CFAP57: variants seen among roughly 807,000 people sequenced by gnomAD.
CFAP57 encodes cilia- and flagella-associated protein 57.
In CFAP57, 116 loss-of-function variants were observed where a neutral mutation model predicts 146.8. That is an observed-to-expected ratio of 0.79 (90% CI 0.68 to 0.92). CFAP57 has a LOEUF of 0.92. Ranked by LOEUF, CFAP57 falls within the 40% of genes least tolerant of loss-of-function variation. The pLI, the probability that CFAP57 is intolerant of heterozygous loss-of-function variation, is 0.00. For missense variants in CFAP57, 1,377 were observed against 1,527.2 expected (o/e 0.90, Z 1.64); for synonymous variants, 518 against 552.8 (o/e 0.94, Z 0.88).
chr1:43,195,553 A>G (rs958882805), intron 6 of CFAP57, among the ~76,000 whole-genome samples: 5 of 152,122 alleles, frequency 3.3e-5, no homozygotes, highest in Non-Finnish European at 5.9e-5. Flanking sequence ...AAACATGGAC[A>G]AAGATATTCA....
intron 13 of CFAP57, among the ~76,000 whole-genome samples, chr1:43,221,021 G>A (rs926340290): frequency 5.9e-5 from 9 of 152,136 alleles, no homozygotes; most frequent in African/African-American, 2.2e-4. Flanking sequence ...TTACCCATGA[G>A]CACAGCCAAG....
rs199714638 is a variant in CFAP57, at chr1:43,198,696, G to A, written c.1428+50G>A. ...AAAGTCCAGTTTCTTAGAAAGCCAC[G>A]GCTGAAATATCAGGAACTAACATGA... On this transcript the variant is annotated intron_variant, in intron 8 of 22. Transcript: ENST00000372492. 2.4e-5 allele frequency: 38 copies of A among 1,599,868 alleles called. No homozygotes were observed. The Middle Eastern group carries it at 8.5e-4, about 36-fold the overall frequency.
intron 13 of CFAP57, among the ~76,000 whole-genome samples, chr1:43,220,106 T>G (rs1487671566): frequency 6.6e-6 from 1 of 152,214 alleles, no homozygotes; most frequent in Admixed American, 6.5e-5. Context: ...GTAAAATACA[T>G]ATAGAAAATA....
chr1:43,222,010 G>C, intron 14 of CFAP57, 95 bp from the exon 15 acceptor site: 2 of 1,077,624 alleles, frequency 1.9e-6, no homozygotes, highest in Non-Finnish European at 1.3e-6. Context: ...GCTCCAGCTG[G>C]TGCTGGAAGG....
intron 2 of CFAP57, among the ~76,000 whole-genome samples, chr1:43,179,729 G>C (rs1026440425): frequency 1.3e-5 from 2 of 152,122 alleles, no homozygotes; most frequent in African/African-American, 4.8e-5. Context: ...ATGTCCACCT[G>C]CTGGACCTCC....
intron 18 of CFAP57, among the ~76,000 whole-genome samples, chr1:43,228,672 C>T (rs758512140): frequency 8.7e-5 from 13 of 149,288 alleles, no homozygotes; most frequent in East Asian, 4.1e-4. Context: ...GACCTGCCTC[C>T]GCTGGGCCTC....
At chr1:43,205,179 A>G (rs968328590) in intron 9 of CFAP57, among the ~76,000 whole-genome samples, 1 of 152,086 alleles carries the variant, frequency 6.6e-6, no homozygotes, top group African/African-American at 2.4e-5. Context: ...CCCTTGTTCT[A>G]TCAAAATTCC....
chr1:43,231,189 T>C (rs1645451670), intron 18 of CFAP57, among the ~76,000 whole-genome samples: 1 of 152,164 alleles, frequency 6.6e-6, no homozygotes, highest in Non-Finnish European at 1.5e-5. Context: ...ACAAAATGCT[T>C]CCAGTAATGA....
chr1:43,254,280 T>C lies in CFAP57; in HGVS notation c.*89T>C. On this transcript the variant is annotated 3_prime_UTR_variant, in exon 23 of 23. Transcript: ENST00000372492. ...AGACTTGCGGTTGGAGTCTGTATGG[T>C]CCCTGCAGCACTGACCCCAGCAACC... 8.2e-7 allele frequency: 1 copy of C among 1,213,032 alleles called. No individual in the cohort carries two copies. The highest frequency in any genetic ancestry group is 1.2e-6 in the Non-Finnish European group (1 of 869,300). The allele number at this position is 1,213,032 out of a possible 1,614,324, so 75.1% of individuals were successfully genotyped here.
rs796998713 is a variant in CFAP57, at chr1:43,254,085, A to G, written c.3647A>G (p.Asp1216Gly). 1.2e-5 allele frequency: 18 copies of G among 1,550,582 alleles called. No individual in the cohort carries two copies. In the East Asian group the frequency reaches 2.0e-4, roughly 17 times the overall value. Residue 1216 changes from aspartate to glycine, a missense_variant, in exon 23 of 23, where the codon GAC becomes GGC. By Grantham distance (94) the Asp-to-Gly change is moderately conservative. Transcript: ENST00000372492. ...CGCCTAGAAATCCAGCGCCTCAGAG[A>G]CCAGATCCAAGAGCAAGAGCAGGTC... ...MQRLEIQRLR[D>G]QIQEQEQVTG...
At chr1:43,179,730 C>T (rs886485991) in intron 2 of CFAP57, among the ~76,000 whole-genome samples, 1 of 152,172 alleles carries the variant, frequency 6.6e-6, no homozygotes, top group Non-Finnish European at 1.5e-5. Context: ...TGTCCACCTG[C>T]TGGACCTCCG....
At chr1:43,247,706 T>C (rs1454732723) in intron 22 of CFAP57, among the ~76,000 whole-genome samples, 1 of 152,258 alleles carries the variant, frequency 6.6e-6, no homozygotes, top group Non-Finnish European at 1.5e-5. Context: ...CTAAACTTTC[T>C]AATTTCTCTG....
intron 22 of CFAP57, among the ~76,000 whole-genome samples, chr1:43,243,620 A>G (rs1048000085): frequency 2.0e-5 from 3 of 152,222 alleles, no homozygotes; most frequent in Non-Finnish European, 1.5e-5. Flanking sequence ...TAGATTTTAG[A>G]AAGCGAATAC....
chr1:43,246,654 C>A (rs1182663985), intron 22 of CFAP57, among the ~76,000 whole-genome samples: 2 of 152,054 alleles, frequency 1.3e-5, no homozygotes, highest in Non-Finnish European at 2.9e-5. Flanking sequence ...AAAGCACAGG[C>A]AACGAAATAA....
rs374305341 is a variant in CFAP57, at chr1:43,209,853, G to C, written c.1866G>C (p.Lys622Asn). The change falls in exon 11 of 23, where the codon AAG becomes AAC. Residue 622 changes from lysine (K) to asparagine (N), a missense_variant. Physicochemically the swap from Lys to Asn is moderately conservative, Grantham distance 94 (BLOSUM62 0). Coordinates refer to ENST00000372492, the MANE Select transcript of CFAP57 (RefSeq NM_001378189.1). The part of the protein sequence containing the change: ...GTSVGTIRAM[K>N]YPLPLQKEFN... ...CGGTGGGAACCATTCGTGCCATGAA[G>C]TACCCTCTGCCTCTGCAGAAGGAAT... The C allele has an allele frequency of 6.8e-6, 11 of 1,614,100 alleles. No individual in the cohort carries two copies. Among genetic ancestry groups the C allele is most frequent in the African/African-American group, 1.3e-5 (1 of 74,934 alleles).
At chr1:43,195,745 C>T (rs1399737699) in intron 6 of CFAP57, among the ~76,000 whole-genome samples, 1 of 151,970 alleles carries the variant, frequency 6.6e-6, no homozygotes, top group East Asian at 1.9e-4. Flanking sequence ...AGTAAAAGTA[C>T]AGAAAGAGAT....
chr1:43,185,058 A>G, intron 4 of CFAP57, 91 bp from the exon 5 acceptor site: 1 of 1,392,574 alleles, frequency 7.2e-7, no homozygotes, highest in Non-Finnish European at 1.0e-6. Flanking sequence ...TTTCTGTCAC[A>G]CCCAGTGACA....
In CFAP57 at chr1:43,234,338, C is replaced by T; in HGVS notation, c.3186C>T (p.Ala1062=). The T allele has an allele frequency of 6.4e-7, 1 of 1,550,398 alleles. No homozygotes were observed. Among genetic ancestry groups the T allele is most frequent in the Non-Finnish European group, 8.7e-7 (1 of 1,146,944 alleles). Residue 1062 remains alanine, a synonymous_variant, in exon 20 of 23, where the codon GCC becomes GCT. Coordinates refer to ENST00000372492, the MANE Select transcript of CFAP57 (RefSeq NM_001378189.1). ...RFKTDLHNCV[A]YIQEPRLLKE... is the part of the protein sequence containing the mutation. ...AAACAGACCTCCACAACTGCGTAGC[C>T]TATATTCAGGAACCGCGGCTGCTGA...
intron 22 of CFAP57, among the ~76,000 whole-genome samples, chr1:43,249,488 G>A (rs1181743327): frequency 2.4e-5 from 3 of 126,220 alleles, no homozygotes; most frequent in Non-Finnish European, 3.2e-5. Context: ...GGAGTGCAGT[G>A]GCGCGATCTC....
Sources: gnomAD v4.1 joint callset for allele counts (sites outside exome capture counted in the v4.1 genomes callset) on GRCh38, gnomAD v4.1.1 for gene constraint, MANE v1.5 for transcripts, NCBI Gene and HGNC (gene_info 2026-07-23, HGNC 2026-07-21) for gene names.